The following DSCAM variants were observed in gnomAD, a reference collection of about 807,000 sequenced individuals.
DSCAM encodes cell adhesion molecule DSCAM.
A neutral mutation model predicts 217.7 loss-of-function variants in DSCAM; 47 were observed. The observed-to-expected ratio is 0.22, with a 90% CI of 0.17 to 0.28. The LOEUF is 0.28. DSCAM is among the 10% of genes least tolerant of loss of function. The pLI is 1.00. For missense variants in DSCAM, 2,080 were observed against 2,618.3 expected (o/e 0.79, Z 4.49); for synonymous variants, 1,056 against 1,015.3 (o/e 1.04, Z -0.76).
chr21:40,685,333 C>T (rs1029382353), intron 3 of DSCAM, among the ~76,000 whole-genome samples: 4 of 152,134 alleles, frequency 2.6e-5, no homozygotes, highest in Non-Finnish European at 5.9e-5. Context: ...TGGCAGCGTT[C>T]CCACCACCCT....
chr21:40,691,453 C>T (rs546149941), intron 3 of DSCAM, among the ~76,000 whole-genome samples: 3 of 152,312 alleles, frequency 2.0e-5, no homozygotes, highest in African/African-American at 7.2e-5. Context: ...GGCCTCTCCC[C>T]TTTGATTCCG....
At chr21:40,099,332 C>G (rs2089721476) in intron 20 of DSCAM, among the ~76,000 whole-genome samples, 1 of 152,232 alleles carries the variant, frequency 6.6e-6, no homozygotes, top group East Asian at 1.9e-4. Flanking sequence ...ATATAGAAGA[C>G]TAATCAAGAA....
At chr21:40,589,194 C>A (rs1203283488) in intron 3 of DSCAM, among the ~76,000 whole-genome samples, 1 of 152,178 alleles carries the variant, frequency 6.6e-6, no homozygotes, top group Admixed American at 6.5e-5. Context: ...CTCTCACCTC[C>A]AAAATACAAT....
chr21:40,599,980 A>G (rs2077050377), intron 3 of DSCAM, among the ~76,000 whole-genome samples: 1 of 152,206 alleles, frequency 6.6e-6, no homozygotes, highest in Non-Finnish European at 1.5e-5. Context: ...TACCAACCAA[A>G]AAAAGCCCAG....
chr21:40,287,706 C>T (rs2123421232), intron 10 of DSCAM, among the ~76,000 whole-genome samples: 1 of 152,306 alleles, frequency 6.6e-6, no homozygotes, highest in Admixed American at 6.5e-5. Context: ...GAGGATTTCT[C>T]CAGGTGGGCT....
At chr21:40,812,563 T>C (rs1471410665) in intron 1 of DSCAM, among the ~76,000 whole-genome samples, 3 of 152,236 alleles carry the variant, frequency 2.0e-5, no homozygotes, top group Non-Finnish European at 1.5e-5. Flanking sequence ...GGTATGGCTA[T>C]TTGTGGGCCA....
At chr21:40,181,091 C>T (rs900159609) in intron 14 of DSCAM, among the ~76,000 whole-genome samples, 2 of 152,266 alleles carry the variant, frequency 1.3e-5, no homozygotes, top group Admixed American at 1.3e-4. Context: ...CCCTCCTGTC[C>T]GTGGCCTTCC....
intron 8 of DSCAM, among the ~76,000 whole-genome samples, chr21:40,318,755 T>C (rs553602442): frequency 9.9e-5 from 15 of 152,272 alleles, no homozygotes; most frequent in African/African-American, 3.6e-4. Context: ...CTGGAGCCGG[T>C]GGGTGCTAAA....
intron 1 of DSCAM, among the ~76,000 whole-genome samples, chr21:40,819,289 A>G (rs2091907888): frequency 6.6e-6 from 1 of 152,278 alleles, no homozygotes; most frequent in Non-Finnish European, 1.5e-5. Context: ...AATTGAACAC[A>G]GATTGCCTCA....
intron 1 of DSCAM, among the ~76,000 whole-genome samples, chr21:40,774,525 A>G (rs1051356802): frequency 6.6e-6 from 1 of 152,230 alleles, no homozygotes; most frequent in Non-Finnish European, 1.5e-5. Context: ...TCGTTTCTAA[A>G]TGTGTCTCAT....
intron 3 of DSCAM, among the ~76,000 whole-genome samples, chr21:40,601,399 A>T (rs897224030): frequency 2.6e-5 from 4 of 152,192 alleles, no homozygotes; most frequent in Non-Finnish European, 1.5e-5. Context: ...TATTAATTCC[A>T]GAAATTTTTT....
rs773423837 is a variant in DSCAM, at chr21:40,347,699, G to A, written c.1181C>T (p.Ala394Val). ...QCFVRKDKLS[A>V]QDYVQVVLED... ...AAGGACCACCTGCACATAGTCTTGA[G>A]CGGACAGCTTGTCCTTGCGCACAAA... The change falls in exon 6 of 33, where the codon GCT (alanine) becomes GTT (valine). Residue 394 changes from alanine (A) to valine (V), a missense_variant. Around this residue, in one of 5 missense-constraint regions of DSCAM, gnomAD observed 568 missense variants for 678.1 expected, o/e 0.84. Transcript: ENST00000400454. 1.2e-6 allele frequency: 2 copies of A among 1,614,086 alleles called. No homozygotes were observed. The highest frequency in any genetic ancestry group is 1.7e-6 in the Non-Finnish European group (2 of 1,180,008).
chr21:40,814,495 C>T (rs2837834), intron 1 of DSCAM, among the ~76,000 whole-genome samples: 3,420 of 152,300 alleles, frequency 0.022, 133 homozygotes, highest in African/African-American at 0.078. Flanking sequence ...TTCTAAGTTA[C>T]ATCTAATAGC....
intron 9 of DSCAM, among the ~76,000 whole-genome samples, chr21:40,307,308 T>G (rs1000528039): frequency 2.0e-5 from 3 of 151,506 alleles, no homozygotes; most frequent in African/African-American, 7.3e-5. Context: ...AAGACATTTA[T>G]GCAGCCAAAA....
At chr21:40,354,085 A>G (rs774605701) in intron 4 of DSCAM, among the ~76,000 whole-genome samples, 1 of 152,226 alleles carries the variant, frequency 6.6e-6, no homozygotes, top group Non-Finnish European at 1.5e-5. Context: ...TCTCTTTAAA[A>G]GATCCTTAAT....
chr21:40,830,570 GT>G (rs2123639499), intron 1 of DSCAM, among the ~76,000 whole-genome samples: 1 of 152,318 alleles, frequency 6.6e-6, no homozygotes, highest in East Asian at 1.9e-4. Flanking sequence ...AAGTGCAGGA[GT>G]TCTGGAATTA....
chr21:40,600,771 G>C (rs1006004280), intron 3 of DSCAM, among the ~76,000 whole-genome samples: 1 of 152,054 alleles, frequency 6.6e-6, no homozygotes, highest in Non-Finnish European at 1.5e-5. Flanking sequence ...GGATTTTCAG[G>C]TGTTCCAGCA....
At chr21:40,659,040 G>A (rs1185571992) in intron 3 of DSCAM, among the ~76,000 whole-genome samples, 1 of 152,116 alleles carries the variant, frequency 6.6e-6, no homozygotes, top group Non-Finnish European at 1.5e-5. Flanking sequence ...GAAGAGGGGA[G>A]GCATCTTGGG....
rs557348079 is a variant in DSCAM at position 40,200,933 on chromosome 21, C to T, written c.2357-11695G>A. On this transcript the variant is annotated intron_variant, in intron 11 of 32. Transcript: ENST00000400454. ...ATACTTATTGTTCATAAGATTTCGG[C>T]AAGTGAGGCTGCCTACTGGGCAGCT... is the stretch of plus-strand genomic sequence containing the variant. Among the ~76,000 whole-genome samples the T allele has an allele frequency of 3.5e-4, 54 of 152,340 alleles. No individual in the cohort carries two copies. The South Asian group carries it at 6.8e-3, about 19-fold the overall frequency.
Sources: allele counts gnomAD v4.1 joint callset (sites outside exome capture counted in the v4.1 genomes callset), GRCh38; gene constraint gnomAD v4.1.1; regional missense constraint gnomAD v4.1.1; transcripts MANE v1.5; gene names NCBI Gene and HGNC (gene_info 2026-07-23, HGNC 2026-07-21).